The following LHFPL6 variants were observed in gnomAD, a reference collection of about 807,000 sequenced individuals.
The protein encoded by LHFPL6 is LHFPL tetraspan subfamily member 6 protein.
LHFPL6 carries 9 observed loss-of-function variants against 20.6 expected under a neutral mutation model. That is an observed-to-expected ratio of 0.44 (90% CI 0.26 to 0.76). The LOEUF is 0.76. LHFPL6 is among the 30% of genes least tolerant of loss of function. LHFPL6 has a pLI of 0.20. For synonymous variants in LHFPL6, 105 were observed against 98.7 expected (o/e 1.06, Z -0.38); for missense variants, 218 against 253.5 (o/e 0.86, Z 0.95).
intron 2 of LHFPL6, among the ~76,000 whole-genome samples, chr13:39,402,676 C>T (rs1244869107): frequency 1.3e-5 from 2 of 152,164 alleles, no homozygotes; most frequent in African/African-American, 4.8e-5. Context: ...AAAATGCAGA[C>T]TCATGAAAAG....
intron 2 of LHFPL6, among the ~76,000 whole-genome samples, chr13:39,445,228 T>C (rs775867487): frequency 3.3e-5 from 5 of 152,176 alleles, no homozygotes; most frequent in Non-Finnish European, 7.3e-5. Context: ...TGGTACTCTA[T>C]TATAGCAGCA....
At chr13:39,591,077 A>G (rs893724298) in intron 2 of LHFPL6, among the ~76,000 whole-genome samples, 1 of 152,264 alleles carries the variant, frequency 6.6e-6, no homozygotes, top group African/African-American at 2.4e-5. Context: ...AATAAGTCCA[A>G]GTATAATGGA....
intron 2 of LHFPL6, among the ~76,000 whole-genome samples, chr13:39,526,485 G>T (rs1870291245): frequency 2.0e-5 from 3 of 151,970 alleles, no homozygotes; most frequent in Admixed American, 1.3e-4. Context: ...TATTGCAATT[G>T]CAACCAATAA....
chr13:39,449,059 A>T (rs1174442185), intron 2 of LHFPL6, among the ~76,000 whole-genome samples: 1 of 152,214 alleles, frequency 6.6e-6, no homozygotes, highest in Non-Finnish European at 1.5e-5. Flanking sequence ...CTGCAGCTTT[A>T]ATAGGGCAAG....
At chr13:39,490,342 C>T (rs1868880755) in intron 2 of LHFPL6, among the ~76,000 whole-genome samples, 1 of 152,198 alleles carries the variant, frequency 6.6e-6, no homozygotes, top group African/African-American at 2.4e-5. Flanking sequence ...CTCTAAAAGC[C>T]TGATAGGGGA....
chr13:39,481,582 G>A (rs1421663038), intron 2 of LHFPL6, among the ~76,000 whole-genome samples: 1 of 152,108 alleles, frequency 6.6e-6, no homozygotes, highest in African/African-American at 2.4e-5. Context: ...AGGAAGGCCA[G>A]CACATGAAGA....
chr13:39,548,074 A>G (rs1054570133), intron 2 of LHFPL6, among the ~76,000 whole-genome samples: 8 of 151,332 alleles, frequency 5.3e-5, no homozygotes, highest in African/African-American at 2.0e-4. Context: ...ATGGCAAGAT[A>G]AGAAAGACTA....
At chr13:39,480,941 A>G (rs529273717) in intron 2 of LHFPL6, among the ~76,000 whole-genome samples, 56 of 152,368 alleles carry the variant, frequency 3.7e-4, no homozygotes, top group African/African-American at 1.3e-3. Context: ...CATATTCATA[A>G]GAACAAAACA....
chr13:39,557,415 T>C (rs1593362125), intron 2 of LHFPL6, among the ~76,000 whole-genome samples: 1 of 152,336 alleles, frequency 6.6e-6, no homozygotes, highest in East Asian at 1.9e-4. Context: ...TGGGAAAGCC[T>C]GAGCGTCCAG....
chr13:39,440,076 AG>A (rs1209776068), intron 2 of LHFPL6, among the ~76,000 whole-genome samples: 1 of 152,206 alleles, frequency 6.6e-6, no homozygotes, highest in Non-Finnish European at 1.5e-5. Context: ...TATGTATTAG[AG>A]GAAGAAGTCT....
intron 2 of LHFPL6, among the ~76,000 whole-genome samples, chr13:39,441,664 C>T (rs1421243260): frequency 6.6e-6 from 1 of 151,784 alleles, no homozygotes; most frequent in Non-Finnish European, 1.5e-5. Flanking sequence ...AGGCACATGC[C>T]ACCATGCCCA....
At chr13:39,597,060 T>C (rs886631669) in intron 2 of LHFPL6, among the ~76,000 whole-genome samples, 3 of 152,244 alleles carry the variant, frequency 2.0e-5, no homozygotes, top group Admixed American at 1.3e-4. Flanking sequence ...AGCACTTAAC[T>C]GTCTATTAGT....
At chr13:39,505,584 A>G (rs1382004744) in intron 2 of LHFPL6, among the ~76,000 whole-genome samples, 4 of 152,224 alleles carry the variant, frequency 2.6e-5, no homozygotes, top group African/African-American at 4.8e-5. Flanking sequence ...TTAATCAACT[A>G]GTTCAATTCC....
intron 3 of LHFPL6, among the ~76,000 whole-genome samples, chr13:39,378,064 T>G (rs1870339140): frequency 6.6e-6 from 1 of 152,246 alleles, no homozygotes; most frequent in Admixed American, 6.5e-5. Context: ...GTATTATCAT[T>G]TCCTTGACTA....
At chr13:39,567,073 C>A (rs1259706641) in intron 2 of LHFPL6, among the ~76,000 whole-genome samples, 4 of 144,864 alleles carry the variant, frequency 2.8e-5, no homozygotes, top group African/African-American at 5.1e-5. Context: ...TTGCTAACAT[C>A]AAACAACGTT....
At chr13:39,582,334 G>A (rs192725425) in intron 2 of LHFPL6, among the ~76,000 whole-genome samples, 10 of 152,050 alleles carry the variant, frequency 6.6e-5, no homozygotes, top group Admixed American at 1.3e-4. Context: ...TCTGCAAATC[G>A]CTAAGAAGAG....
intron 2 of LHFPL6, among the ~76,000 whole-genome samples, chr13:39,458,100 G>A (rs929943751): frequency 1.3e-5 from 2 of 152,122 alleles, no homozygotes; most frequent in African/African-American, 4.8e-5. Context: ...ACATAATGGA[G>A]AAATAGTTTC....
In LHFPL6 at chr13:39,438,690, A is replaced by G. The variant is rs185699026; in HGVS notation, c.386-60164T>C. Among the ~76,000 whole-genome samples, 395 of 152,352 alleles carry G rather than the reference A, an allele frequency of 2.6e-3. 3 individuals carry two copies. Among genetic ancestry groups the G allele is most frequent in the South Asian group, 0.016 (77 of 4,826 alleles). ...GCAGACTCAGAACCCTGCTTGCTGC[A>G]TCCTGGCCGTTTCAGCTACAGCTGT... On this transcript the variant is annotated intron_variant, in intron 2 of 3. Transcript: ENST00000379589.
intron 3 of LHFPL6, among the ~76,000 whole-genome samples, chr13:39,361,726 A>C (rs1869874591): frequency 6.6e-6 from 1 of 152,236 alleles, no homozygotes; most frequent in Admixed American, 6.5e-5. Context: ...CAAGGAAATG[A>C]GTTCCATTTC....
Sources: gnomAD v4.1 joint callset for allele counts (sites outside exome capture counted in the v4.1 genomes callset) on GRCh38, gnomAD v4.1.1 for gene constraint, MANE v1.5 for transcripts, NCBI Gene and HGNC (gene_info 2026-07-23, HGNC 2026-07-21) for gene names.